The following SERGEF variants were observed in gnomAD, a reference collection of about 807,000 sequenced individuals.
SERGEF encodes the protein secretion regulating guanine nucleotide exchange factor.
SERGEF carries 51 observed loss-of-function variants against 50.0 expected under a neutral mutation model. That is an observed-to-expected ratio of 1.02 (90% CI 0.81 to 1.29). The LOEUF is 1.29. SERGEF is among the 50% of genes most tolerant of loss of function. The pLI, the probability that SERGEF is intolerant of heterozygous loss-of-function variation, is 0.00. For missense variants in SERGEF, 521 were observed against 557.0 expected, an observed-to-expected ratio of 0.94 and a Z score of 0.65; for synonymous variants, 205 against 212.4, an observed-to-expected ratio of 0.97 and a Z score of 0.30.
intron 9 of SERGEF, among the ~76,000 whole-genome samples, chr11:17,958,902 A>AC (rs1042182043): frequency 4.0e-5 from 6 of 150,744 alleles, no homozygotes; most frequent in African/African-American, 9.8e-5. Context: ...CTCTGCCCCC[A>AC]CCCCCCTCCA....
intron 9 of SERGEF, among the ~76,000 whole-genome samples, chr11:17,931,274 G>A (rs1207385916): frequency 6.6e-6 from 1 of 152,114 alleles, no homozygotes; most frequent in African/African-American, 2.4e-5. Context: ...ATGAATTGCT[G>A]ACCTGCAATA....
intron 5 of SERGEF, 45 bp from the exon 6 acceptor site, chr11:17,995,954 G>C: frequency 7.5e-7 from 1 of 1,325,416 alleles, no homozygotes; most frequent in East Asian, 2.4e-5. Flanking sequence ...TGCACATCAG[G>C]ATAAGACTAG....
chr11:17,941,129 A>G (rs1191527606), intron 9 of SERGEF, among the ~76,000 whole-genome samples: 1 of 152,180 alleles, frequency 6.6e-6, no homozygotes, highest in Non-Finnish European at 1.5e-5. Context: ...CTATTCACCA[A>G]TCTTTTTAAA....
At chr11:17,941,017 C>T (rs1852553212) in intron 9 of SERGEF, among the ~76,000 whole-genome samples, 1 of 152,162 alleles carries the variant, frequency 6.6e-6, no homozygotes, top group Non-Finnish European at 1.5e-5. Flanking sequence ...TACAGAAAAG[C>T]TTAAATAATT....
chr11:17,917,415 G>T (rs112073809), intron 9 of SERGEF, among the ~76,000 whole-genome samples: 20 of 152,288 alleles, frequency 1.3e-4, no homozygotes, highest in African/African-American at 4.8e-4. Flanking sequence ...ATGACTCAGG[G>T]GGGAAGGGTG....
intron 9 of SERGEF, among the ~76,000 whole-genome samples, chr11:17,883,058 G>A (rs1157881186): frequency 6.6e-6 from 1 of 152,162 alleles, no homozygotes; most frequent in East Asian, 1.9e-4. Flanking sequence ...TCCCAGAAAT[G>A]AGAGAGGTCT....
chr11:17,900,113 C>T (rs1443731542), intron 9 of SERGEF, among the ~76,000 whole-genome samples: 3 of 152,120 alleles, frequency 2.0e-5, no homozygotes, highest in Non-Finnish European at 4.4e-5. Flanking sequence ...TCAAAGCTGA[C>T]TGAAATATCA....
At chr11:17,959,765 G>A (rs1272013817) in intron 8 of SERGEF, 129 bp from the exon 9 acceptor site, 7 of 760,368 alleles carry the variant, frequency 9.2e-6, no homozygotes, top group Admixed American at 2.9e-5. Flanking sequence ...CTATCTTCCT[G>A]TAAAGAAGGC....
chr11:17,825,274 C>T (rs1255121585), intron 10 of SERGEF, among the ~76,000 whole-genome samples: 1 of 152,056 alleles, frequency 6.6e-6, no homozygotes. Flanking sequence ...AAGGGTATTC[C>T]TATAATACAG....
intron 8 of SERGEF, among the ~76,000 whole-genome samples, chr11:17,985,490 G>A (rs1853575425): frequency 6.6e-6 from 1 of 152,140 alleles, no homozygotes; most frequent in Non-Finnish European, 1.5e-5. Context: ...ACACCTGCAG[G>A]TCACTGAGCC....
At chr11:17,803,643 C>T (rs1009158786) in intron 10 of SERGEF, among the ~76,000 whole-genome samples, 1 of 152,238 alleles carries the variant, frequency 6.6e-6, no homozygotes, top group Non-Finnish European at 1.5e-5. Flanking sequence ...TTGTTCCCTT[C>T]CCCATCTTCC....
intron 10 of SERGEF, among the ~76,000 whole-genome samples, chr11:17,797,555 C>T (rs546052514): frequency 6.6e-6 from 1 of 152,234 alleles, no homozygotes; most frequent in South Asian, 2.1e-4. Context: ...ATCTCTTCAC[C>T]TGCTCTATTT....
chr11:17,861,539 G>A (rs1255807937), intron 10 of SERGEF, among the ~76,000 whole-genome samples: 1 of 152,242 alleles, frequency 6.6e-6, no homozygotes, highest in Admixed American at 6.5e-5. Flanking sequence ...TACTTTCTCT[G>A]AGAACTTCAG....
In SERGEF at chr11:17,788,089, A is replaced by G. The variant is rs1849416937; in HGVS notation, c.1373T>C (p.Leu458Pro). 1.3e-6 allele frequency: 2 copies of G among 1,518,428 alleles called. No homozygotes were observed. The highest frequency in any genetic ancestry group is 1.8e-6 in the Non-Finnish European group (2 of 1,131,602). The allele number at this position is 1,518,428 out of a possible 1,614,324, so 94.1% of individuals were successfully genotyped here. The stretch of plus-strand genomic sequence containing the variant: ...CACTTTATTAAAGATTCTCTATCAC[A>G]GTCCCCCATTTCTGGACCAGTCAGA... ...SQSDWSRNGG[L>P] is the part of the protein sequence containing the mutation. Residue 458 changes from leucine to proline, a missense_variant, in exon 11 of 11, where the codon CTG (leucine) becomes CCG (proline). Physicochemically the swap from Leu to Pro is moderately conservative, Grantham distance 98. Coordinates refer to ENST00000265965, the MANE Select transcript of SERGEF (RefSeq NM_012139.4).
intron 10 of SERGEF, among the ~76,000 whole-genome samples, chr11:17,799,017 C>A (rs142630829): frequency 2.4e-4 from 37 of 152,340 alleles, no homozygotes; most frequent in Middle Eastern, 6.8e-3. Context: ...ATGCACACAG[C>A]ACCTTCGGAT....
intron 8 of SERGEF, among the ~76,000 whole-genome samples, chr11:17,965,976 C>A (rs1853114355): frequency 6.6e-6 from 1 of 152,200 alleles, no homozygotes; most frequent in South Asian, 2.1e-4. Flanking sequence ...GCCATTACTA[C>A]TACTATTCTC....
At chr11:17,901,347 C>G (rs1251375665) in intron 9 of SERGEF, among the ~76,000 whole-genome samples, 1 of 152,212 alleles carries the variant, frequency 6.6e-6, no homozygotes, top group Non-Finnish European at 1.5e-5. Flanking sequence ...CCTTTCTAGA[C>G]TTCAGCTCAG....
chr11:17,833,441 G>C (rs1850347413), intron 10 of SERGEF, among the ~76,000 whole-genome samples: 1 of 152,216 alleles, frequency 6.6e-6, no homozygotes, highest in Non-Finnish European at 1.5e-5. Flanking sequence ...ACCTCTGCTA[G>C]GGCAGTGCAG....
chr11:18,006,889 G>A (rs1854085809), intron 2 of SERGEF, 143 bp from the exon 3 acceptor site: 1 of 905,796 alleles, frequency 1.1e-6, no homozygotes. Flanking sequence ...GTATGTTCAT[G>A]TATTCTGGAG....
Sources: gnomAD v4.1 joint callset for allele counts (sites outside exome capture counted in the v4.1 genomes callset) on GRCh38, gnomAD v4.1.1 for gene constraint, MANE v1.5 for transcripts, NCBI Gene and HGNC (gene_info 2026-07-23, HGNC 2026-07-21) for gene names.